The following USP9X variants were observed in gnomAD, a reference collection of about 807,000 sequenced individuals.
The protein encoded by USP9X is ubiquitin specific peptidase 9 X-linked.
Under a neutral mutation model 190.3 loss-of-function variants are expected in USP9X, and 7 were observed. The ratio of observed to expected loss-of-function variants is 0.04; its 90% CI spans 0.02 to 0.07. USP9X has a LOEUF of 0.07. USP9X is among the 10% of genes least tolerant of loss of function. The pLI is 1.00. For synonymous variants in USP9X, 645 were observed against 659.5 expected (o/e 0.98, Z 0.34); for missense variants, 1,010 against 1,916.9 (o/e 0.53, Z 8.83).
At chrX:41,136,450 CTG>C (rs1232072747) in intron 5 of USP9X, among the ~76,000 whole-genome samples, 1 of 112,822 alleles carries the variant, frequency 8.9e-6, no homozygotes, top group African/African-American at 3.2e-5. Context: ...GCGTGAGCCA[CTG>C]TGCTCAGCCT....
chrX:41,186,046 A>T (rs1002628675), intron 23 of USP9X, among the ~76,000 whole-genome samples: 1 of 111,762 alleles, frequency 8.9e-6, no homozygotes, highest in Non-Finnish European at 1.9e-5. Context: ...TGATTATAGC[A>T]TTAAGTAAAA....
chrX:41,206,614 C>T (rs1412616333), intron 32 of USP9X, among the ~76,000 whole-genome samples: 1 of 110,584 alleles, frequency 9.0e-6, no homozygotes, highest in African/African-American at 3.3e-5. Context: ...CTTATGAGAT[C>T]TAGAGGCTTG....
At chrX:41,137,283 T>C (rs765266772) in intron 6 of USP9X, among the ~76,000 whole-genome samples, 2 of 111,559 alleles carry the variant, frequency 1.8e-5, no homozygotes, top group East Asian at 5.6e-4. Context: ...ATTTTTTCTT[T>C]GAAATAGAGT....
At chrX:41,127,923 A>C (rs2062270492) in intron 2 of USP9X, among the ~76,000 whole-genome samples, 1 of 112,501 alleles carries the variant, frequency 8.9e-6, no homozygotes, top group South Asian at 3.6e-4. Flanking sequence ...AATTTAGGTT[A>C]GTTTCATTTT....
At chrX:41,147,157 A>G (rs1193478302) in intron 11 of USP9X, among the ~76,000 whole-genome samples, 1 of 109,139 alleles carries the variant, frequency 9.2e-6, no homozygotes, top group Non-Finnish European at 1.9e-5. Context: ...GTGTCTGTCA[A>G]TAGTTTTGAT....
chrX:41,212,333 G>GC (rs2063172007), intron 33 of USP9X, among the ~76,000 whole-genome samples: 2 of 106,586 alleles, frequency 1.9e-5, no homozygotes, highest in African/African-American at 6.7e-5. Context: ...GCGGAAGGCC[G>GC]CAGGGTCCTC....
intron 15 of USP9X, among the ~76,000 whole-genome samples, chrX:41,163,221 C>CG (rs2062648928): frequency 9.0e-6 from 1 of 111,060 alleles, no homozygotes. Flanking sequence ...ACTAAGGAAA[C>CG]GGGGGCAAAA....
At chrX:41,142,495 A>G (rs2062431527) in intron 9 of USP9X, among the ~76,000 whole-genome samples, 1 of 111,831 alleles carries the variant, frequency 8.9e-6, no homozygotes, top group Admixed American at 9.5e-5. Flanking sequence ...ATATGTGTAT[A>G]TATGTAGAAT....
chrX:41,235,513 AC>A lies in USP9X; in HGVS notation c.*2990del, dbSNP rs1237607072. 3 of 113,009 alleles carry A rather than the reference AC, an allele frequency of 2.7e-5. No individual in the cohort carries two copies. Among genetic ancestry groups the A allele is most frequent in the African/African-American group, 9.7e-5 (3 of 31,043 alleles). 9.3% of individuals were successfully genotyped at this position (113,009 alleles called of 1,213,427 possible). A position where few individuals can be genotyped will look rare whatever the true frequency, so the allele number is the denominator to read the frequency against. On this transcript the variant is annotated 3_prime_UTR_variant, in exon 45 of 45. Transcript: ENST00000378308. ...ATTCTAAATGACACGATTATAGAAG[AC>A]AGTAGAATGTGTTACCATAAAGACT...
chrX:41,188,652 G>A (rs762965823), intron 25 of USP9X, among the ~76,000 whole-genome samples: 9 of 111,515 alleles, frequency 8.1e-5, no homozygotes, highest in Non-Finnish European at 1.5e-4. Flanking sequence ...TGAGTTACAG[G>A]AACTTCCCTG....
At chrX:41,210,135 A>G (rs773397109) in intron 32 of USP9X, among the ~76,000 whole-genome samples, 13 of 112,527 alleles carry the variant, frequency 1.2e-4, no homozygotes, top group Middle Eastern at 4.6e-3. Context: ...TAACATCCAC[A>G]TAAGAGTGAG....
chrX:41,200,971 A>G (rs1761424315), intron 30 of USP9X, 89 bp from the exon 31 acceptor site: 2 of 964,726 alleles, frequency 2.1e-6, no homozygotes, highest in Non-Finnish European at 1.5e-6. Context: ...GGGTGGTAGA[A>G]TTATTGCCAG....
intron 14 of USP9X, among the ~76,000 whole-genome samples, chrX:41,154,636 T>G (rs772217837): frequency 8.9e-6 from 1 of 111,783 alleles, no homozygotes; most frequent in South Asian, 3.7e-4. Flanking sequence ...CAGTTTTTCC[T>G]CCTTATGTTG....
At chrX:41,225,246 GT>G in intron 41 of USP9X, 109 bp downstream of exon 41, 2 of 662,993 alleles carry the variant, frequency 3.0e-6, no homozygotes, top group Non-Finnish European at 4.6e-6. Context: ...TCTAGTGAAT[GT>G]TTTATCTTAA....
intron 1 of USP9X, among the ~76,000 whole-genome samples, chrX:41,095,048 A>T (rs2061979760): frequency 9.2e-6 from 1 of 109,214 alleles, no homozygotes; most frequent in Non-Finnish European, 1.9e-5. Context: ...CGTCTCAAAA[A>T]AAAAAAAAAA....
At chrX:41,217,105 C>CTGAGA in intron 35 of USP9X, 115 bp from the exon 36 acceptor site, 1 of 829,845 alleles carries the variant, frequency 1.2e-6, no homozygotes, top group South Asian at 3.4e-5. Flanking sequence ...TTAAAGTAGC[C>CTGAGA]TGAGAAGGGT....
intron 2 of USP9X, among the ~76,000 whole-genome samples, chrX:41,125,370 C>T (rs762968210): frequency 1.8e-4 from 14 of 76,487 alleles, no homozygotes; most frequent in South Asian, 7.2e-4. Context: ...CCACGGTACC[C>T]GGCCGATCCA....
In USP9X at chrX:41,198,298, GTTCT is replaced by G. The variant is rs1275514460; in HGVS notation, c.4381-224_4381-221del. Among the ~76,000 whole-genome samples, 67 of 112,096 alleles carry G rather than the reference GTTCT, an allele frequency of 6.0e-4. 2 individuals are homozygous for G. The highest frequency in any genetic ancestry group is 3.8e-5 in the Non-Finnish European group (2 of 53,198). On this transcript the variant is annotated intron_variant, in intron 29 of 44. Transcript: ENST00000378308. ...AAAATTTTGATAAGTACTATATTCA[GTTCT>G]TTCTTAATATTTACAAATTTATTTA...
rs753755991 is a variant in USP9X, at chrX:41,092,401, A to G, written c.-159+6292A>G. Among the ~76,000 whole-genome samples, 25 of 111,379 alleles carry G rather than the reference A, an allele frequency of 2.2e-4. No individual in the cohort carries two copies. The South Asian group carries it at 2.3e-3, about 10-fold the overall frequency. On this transcript the variant is annotated intron_variant, in intron 1 of 44. Transcript: ENST00000378308. ...GCCGCTCATTATTAACTTGGACCCCAGAGAGCATGGAAGTTACCGTATAGT... is the reference window on the plus strand; with the variant it reads ...GCCGCTCATTATTAACTTGGACCCCGGAGAGCATGGAAGTTACCGTATAGT...
Sources: allele counts gnomAD v4.1 joint callset (sites outside exome capture counted in the v4.1 genomes callset), GRCh38; gene constraint gnomAD v4.1.1; transcripts MANE v1.5; gene names NCBI Gene and HGNC (gene_info 2026-07-23, HGNC 2026-07-21).